Variants in GALNTL6 observed in about 807,000 individuals in gnomAD.
GALNTL6 encodes the protein polypeptide N-acetylgalactosaminyltransferase-like 6.
Under a neutral mutation model 73.7 loss-of-function variants are expected in GALNTL6, and 46 were observed. That is an observed-to-expected ratio of 0.62 (90% confidence interval 0.49 to 0.80). GALNTL6 has a LOEUF of 0.80. Among genes scored for constraint, GALNTL6 ranks in the 30% least tolerant of loss-of-function variants. The pLI is 0.00. For synonymous variants in GALNTL6, 259 were observed against 263.7 expected (o/e 0.98, Z 0.17); for missense variants, 604 against 755.0 (o/e 0.80, Z 2.34).
At chr4:172,370,770 GTCC>G (rs1338050741) in intron 5 of GALNTL6, among the ~76,000 whole-genome samples, 1 of 151,946 alleles carries the variant, frequency 6.6e-6, no homozygotes, top group South Asian at 2.1e-4. Flanking sequence ...AAGGTACAAA[GTCC>G]TCCTTTCTCA....
intron 10 of GALNTL6, among the ~76,000 whole-genome samples, chr4:173,004,731 T>C (rs1180642618): frequency 6.6e-6 from 1 of 152,184 alleles, no homozygotes; most frequent in Non-Finnish European, 1.5e-5. Context: ...CCAGAAATAT[T>C]GGAAGTCTCA....
intron 12 of GALNTL6, among the ~76,000 whole-genome samples, chr4:173,026,451 G>A (rs138070983): frequency 1.4e-4 from 22 of 152,272 alleles, no homozygotes; most frequent in Admixed American, 9.8e-4. Context: ...TCTTAAGGCC[G>A]GAGAAAGTCC....
chr4:172,715,945 A>G (rs1395250376), intron 5 of GALNTL6, among the ~76,000 whole-genome samples: 4 of 152,154 alleles, frequency 2.6e-5, no homozygotes, highest in African/African-American at 7.2e-5. Flanking sequence ...TTCTCAAATA[A>G]TCCTGGTATT....
chr4:172,108,225 T>C (rs1732742570), intron 2 of GALNTL6, among the ~76,000 whole-genome samples: 2 of 152,184 alleles, frequency 1.3e-5, no homozygotes, highest in Admixed American at 1.3e-4. Flanking sequence ...AGGTTCTAAG[T>C]GAGCCCCTCA....
intron 2 of GALNTL6, among the ~76,000 whole-genome samples, chr4:171,961,404 G>A (rs1739214370): frequency 6.6e-6 from 1 of 151,948 alleles, no homozygotes; most frequent in South Asian, 2.1e-4. Flanking sequence ...GGTATTTGAT[G>A]GTACAAACCC....
At chr4:171,863,731 T>C (rs1364812763) in intron 2 of GALNTL6, among the ~76,000 whole-genome samples, 5 of 151,980 alleles carry the variant, frequency 3.3e-5, no homozygotes, top group Non-Finnish European at 7.4e-5. Flanking sequence ...ATGCATTAAA[T>C]AATGATAATA....
chr4:172,515,602 A>C (rs1357617409), intron 5 of GALNTL6, among the ~76,000 whole-genome samples: 1 of 152,240 alleles, frequency 6.6e-6, no homozygotes, highest in Non-Finnish European at 1.5e-5. Context: ...AGGAAAGAGG[A>C]TTGAACACTG....
At chr4:172,439,019 T>C (rs1731735922) in intron 5 of GALNTL6, among the ~76,000 whole-genome samples, 2 of 151,962 alleles carry the variant, frequency 1.3e-5, no homozygotes. Context: ...GGACACTACA[T>C]TTGCAAATCT....
intron 5 of GALNTL6, among the ~76,000 whole-genome samples, chr4:172,543,270 A>G (rs1369229769): frequency 6.6e-6 from 1 of 152,246 alleles, no homozygotes; most frequent in Non-Finnish European, 1.5e-5. Flanking sequence ...GTGGTCCTCA[A>G]GAAGACTTGA....
intron 2 of GALNTL6, among the ~76,000 whole-genome samples, chr4:172,185,153 C>T (rs936245509): frequency 2.0e-5 from 3 of 151,976 alleles, no homozygotes; most frequent in Admixed American, 1.3e-4. Context: ...TGCTATTACT[C>T]GTTATATAGA....
chr4:172,447,488 G>A (rs564374598), intron 5 of GALNTL6, among the ~76,000 whole-genome samples: 6 of 152,312 alleles, frequency 3.9e-5, no homozygotes, highest in African/African-American at 1.4e-4. Context: ...AGGGGTGAAA[G>A]AGCAGTATGT....
chr4:172,177,769 GTACACATA>G (rs1418973939), intron 2 of GALNTL6, among the ~76,000 whole-genome samples: 4 of 69,948 alleles, frequency 5.7e-5, no homozygotes, highest in Non-Finnish European at 1.3e-4. Context: ...GTATATATAT[GTACACATA>G]TATACACATG....
At chr4:172,731,080 CAAAA>C (rs71592094) in intron 5 of GALNTL6, among the ~76,000 whole-genome samples, 3 of 113,138 alleles carry the variant, frequency 2.7e-5, no homozygotes, top group African/African-American at 3.1e-5. Flanking sequence ...ACTCCATCTC[CAAAA>C]AAAAAAAAAA....
chr4:172,799,258 T>C (rs1282933030), intron 5 of GALNTL6, among the ~76,000 whole-genome samples: 1 of 152,202 alleles, frequency 6.6e-6, no homozygotes, highest in East Asian at 1.9e-4. Context: ...TACTCTATAG[T>C]CACATAGATT....
chr4:172,284,804 T>C (rs1467459437), intron 3 of GALNTL6, among the ~76,000 whole-genome samples: 1 of 152,202 alleles, frequency 6.6e-6, no homozygotes, highest in African/African-American at 2.4e-5. Flanking sequence ...TGTGGATATG[T>C]GGCTTTACTT....
At chr4:172,450,164 C>A (rs577368307) in intron 5 of GALNTL6, among the ~76,000 whole-genome samples, 15 of 151,494 alleles carry the variant, frequency 9.9e-5, no homozygotes, top group Non-Finnish European at 2.1e-4. Flanking sequence ...TTGCAGTGAG[C>A]CAAGATCACG....
intron 5 of GALNTL6, among the ~76,000 whole-genome samples, chr4:172,397,556 C>T (rs886144296): frequency 4.2e-5 from 6 of 144,452 alleles, no homozygotes; most frequent in South Asian, 2.2e-4. Context: ...ATAAGTATCT[C>T]ATTTATTTAT....
chr4:172,703,042 T>C (rs543744188), intron 5 of GALNTL6, among the ~76,000 whole-genome samples: 2 of 152,136 alleles, frequency 1.3e-5, no homozygotes, highest in African/African-American at 4.8e-5. Flanking sequence ...TAAATTTGTA[T>C]GCTTTTATTT....
chr4:171,978,611 T>A (rs908112952), intron 2 of GALNTL6, among the ~76,000 whole-genome samples: 1 of 152,160 alleles, frequency 6.6e-6, no homozygotes, highest in African/African-American at 2.4e-5. Context: ...CACAGTTGAG[T>A]TTCAGCCAAC....
Sources: allele counts gnomAD v4.1 joint callset (sites outside exome capture counted in the v4.1 genomes callset), GRCh38; gene constraint gnomAD v4.1.1; transcripts MANE v1.5; gene names NCBI Gene and HGNC (gene_info 2026-07-23, HGNC 2026-07-21).